The following POLDIP3 variants were observed in gnomAD, a reference collection of about 807,000 sequenced individuals.
POLDIP3 encodes the protein polymerase delta-interacting protein 3.
POLDIP3 carries 14 observed loss-of-function variants against 45.1 expected under a neutral mutation model. The ratio of observed to expected loss-of-function variants is 0.31; its 90% CI spans 0.20 to 0.49. The LOEUF (loss-of-function observed/expected upper bound fraction) is 0.49, where lower values mean the gene tolerates loss of function less well. Among genes scored for constraint, POLDIP3 ranks in the 20% least tolerant of loss-of-function variants. The pLI, the probability that POLDIP3 is intolerant of heterozygous loss-of-function variation, is 0.99. For missense variants in POLDIP3, 511 were observed against 538.8 expected (o/e 0.95, Z 0.51); for synonymous variants, 223 against 205.2 (o/e 1.09, Z -0.74).
chr22:42,585,882 T>C lies in POLDIP3; in HGVS notation c.1175A>G (p.Glu392Gly). ...NSASSSNPPA[E>G]VDPDTILKAL... ...CTTCAGGATGGTGTCAGGGTCCACT[T>C]CGGCAGGGGGGTTGGAGGAGGAGGC... Residue 392 changes from glutamate (E) to glycine (G), a missense_variant, in exon 9 of 9, where the codon GAA becomes GGA. Transcript: ENST00000252115. 1 of 1,613,352 alleles carries C rather than the reference T, an allele frequency of 6.2e-7. No homozygotes were observed.
chr22:42,614,168 C>T (rs1175829275), intron 1 of POLDIP3, among the ~76,000 whole-genome samples: 1 of 152,204 alleles, frequency 6.6e-6, no homozygotes, highest in African/African-American at 2.4e-5. Context: ...AGTCACTCTA[C>T]CACTTCCAGC....
Position 42,584,889 on chromosome 22 carries a change from A to G in POLDIP3, c.*902T>C. 4.4e-6 allele frequency: 2 copies of G among 456,278 alleles called. No homozygotes were observed. Among genetic ancestry groups the G allele is most frequent in the South Asian group, 1.5e-5 (1 of 64,574 alleles). 28.3% of individuals were successfully genotyped at this position (456,278 alleles called of 1,614,324 possible). A position where few individuals can be genotyped will look rare whatever the true frequency, so the allele number is the denominator to read the frequency against. On this transcript the variant is annotated 3_prime_UTR_variant, in exon 9 of 9. Coordinates refer to ENST00000252115, the MANE Select transcript of POLDIP3 (RefSeq NM_032311.5). ...GAACAAACTGACCTCTTCCATTCAA[A>G]TAAGCTCCAAACCCAAGCACTGCAC...
At position 42,614,792 on chromosome 22, in the gene POLDIP3, C is replaced by G. The variant is rs374062596; in HGVS notation, c.59+7G>C. 1 of 1,614,040 alleles carries G rather than the reference C, an allele frequency of 6.2e-7. No homozygotes were observed. Among genetic ancestry groups the G allele is most frequent in the Non-Finnish European group, 8.5e-7 (1 of 1,179,916 alleles). On this transcript the variant is annotated splice_region_variant and intron_variant, in intron 1 of 8. Transcript: ENST00000252115. ...CCTAAACCCCGAAGAAAGGAAAGGC[C>G]TCTCACCGTCCTTTCGCCGCCGCCC...
chr22:42,586,652 T>C (rs1435145128), intron 8 of POLDIP3, among the ~76,000 whole-genome samples: 2 of 152,196 alleles, frequency 1.3e-5, no homozygotes, highest in African/African-American at 4.8e-5. Flanking sequence ...TAAGAAATAT[T>C]TCTTATTCCT....
intron 7 of POLDIP3, among the ~76,000 whole-genome samples, 188 bp downstream of exon 7, chr22:42,591,767 G>A (rs1449088721): frequency 6.6e-6 from 1 of 152,206 alleles, no homozygotes; most frequent in African/African-American, 2.4e-5. Context: ...AGGGCTGGGT[G>A]AAAATCCAGG....
intron 6 of POLDIP3, 122 bp downstream of exon 6, chr22:42,595,415 A>G (rs769422596): frequency 1.5e-5 from 13 of 851,084 alleles, no homozygotes; most frequent in Non-Finnish European, 2.4e-5. Flanking sequence ...CTCAGCCCTG[A>G]GCGTGACTAT....
At chr22:42,597,587 CAGT>C (rs749671189) in intron 4 of POLDIP3, 5 of 405,634 alleles carry the variant, frequency 1.2e-5, no homozygotes, top group Non-Finnish European at 2.5e-5. Flanking sequence ...GGGTAATCAA[CAGT>C]ACCCATCTCA....
At chr22:42,602,704 A>G in intron 2 of POLDIP3, 66 bp downstream of exon 2, 3 of 1,518,856 alleles carry the variant, frequency 2.0e-6, no homozygotes, top group African/African-American at 1.4e-5. Context: ...CACTCCTGGC[A>G]CCTTGCCTCT....
intron 7 of POLDIP3, among the ~76,000 whole-genome samples, chr22:42,590,528 T>C (rs958802029): frequency 4.6e-5 from 7 of 152,086 alleles, no homozygotes; most frequent in African/African-American, 1.7e-4. Context: ...ACTGTATTTG[T>C]ACATCTAAAC....
At chr22:42,611,386 A>G (rs1927106654) in intron 1 of POLDIP3, among the ~76,000 whole-genome samples, 1 of 152,184 alleles carries the variant, frequency 6.6e-6, no homozygotes, top group African/African-American at 2.4e-5. Context: ...TTTTGAGAAC[A>G]AGCACATTCC....
At chr22:42,610,694 G>C (rs918635270) in intron 1 of POLDIP3, among the ~76,000 whole-genome samples, 1 of 152,198 alleles carries the variant, frequency 6.6e-6, no homozygotes. Flanking sequence ...CTTGAGTCCA[G>C]GAGTTCGAAA....
At chr22:42,614,766 C>A (rs1258524799) in intron 1 of POLDIP3, 33 bp downstream of exon 1, 1 of 1,612,912 alleles carries the variant, frequency 6.2e-7, no homozygotes, top group East Asian at 2.2e-5. Context: ...AGGCCGAGGA[C>A]CCTAAACCCC....
chr22:42,595,687 G>T, intron 5 of POLDIP3, 73 bp from the exon 6 acceptor site: 1 of 1,392,756 alleles, frequency 7.2e-7, no homozygotes. Context: ...ATTCCTCCAG[G>T]CACGTGACTA....
At position 42,585,860 on chromosome 22, in the gene POLDIP3, C is replaced by T; in HGVS notation, c.1197G>A (p.Leu399=). 6.2e-7 allele frequency: 1 copy of T among 1,613,312 alleles called. No homozygotes were observed. The highest frequency in any genetic ancestry group is 1.9e-4 in the Middle Eastern group (1 of 5,392). Residue 399 remains leucine, a synonymous_variant, in exon 9 of 9, where the codon CTG becomes CTA. Coordinates refer to ENST00000252115, the MANE Select transcript of POLDIP3 (RefSeq NM_032311.5). ...PPAEVDPDTI[L]KALFKSSGAS... is the part of the protein sequence containing the mutation. ...CCCCTGAGGACTTGAAGAGTGCCTTCAGGATGGTGTCAGGGTCCACTTCGG... is the reference window on the plus strand; with the variant it reads ...CCCCTGAGGACTTGAAGAGTGCCTTTAGGATGGTGTCAGGGTCCACTTCGG...
chr22:42,595,494 A>G (rs1368079517), intron 6 of POLDIP3, 43 bp downstream of exon 6: 4 of 1,570,122 alleles, frequency 2.5e-6, no homozygotes, highest in Non-Finnish European at 3.5e-6. Context: ...TTTGCCACAG[A>G]GGCAGTTTGA....
At chr22:42,596,429 G>A (rs1925997248) in intron 4 of POLDIP3, 64 bp from the exon 5 acceptor site, 2 of 1,494,192 alleles carry the variant, frequency 1.3e-6, no homozygotes, top group Admixed American at 2.0e-5. Flanking sequence ...GAAGCCCCAA[G>A]AGGTTGACAA....
In POLDIP3 at chr22:42,608,278, C is replaced by T. The variant is rs967295597; in HGVS notation, c.60-5118G>A. ...ACCCCCCCCCCCAAAAAAAAATTAGCTGCAAGTGATGATGCACATCTGTAG... is the reference window on the plus strand; with the variant it reads ...ACCCCCCCCCCCAAAAAAAAATTAGTTGCAAGTGATGATGCACATCTGTAG... On this transcript the variant is annotated intron_variant, in intron 1 of 8. Coordinates refer to ENST00000252115, the MANE Select transcript of POLDIP3 (RefSeq NM_032311.5). 6.4e-5 allele frequency among the ~76,000 whole-genome samples: 8 copies of T among 125,468 alleles called. No homozygotes were observed. The East Asian group carries it at 2.1e-3, about 33-fold the overall frequency. The allele number at this position is 125,468 out of a possible 152,430, so 82.3% of individuals were successfully genotyped here. A position where few individuals can be genotyped will look rare whatever the true frequency, so the allele number is the denominator to read the frequency against.
At chr22:42,594,981 C>G (rs1925895679) in intron 6 of POLDIP3, among the ~76,000 whole-genome samples, 1 of 152,194 alleles carries the variant, frequency 6.6e-6, no homozygotes, top group South Asian at 2.1e-4. Flanking sequence ...TGGCTAGAAG[C>G]TGTGCAGAAG....
intron 3 of POLDIP3, among the ~76,000 whole-genome samples, chr22:42,600,391 C>T (rs1258264809): frequency 3.3e-5 from 5 of 152,028 alleles, no homozygotes; most frequent in Non-Finnish European, 5.9e-5. Flanking sequence ...CTTTGGGAGG[C>T]CGAGGAGGGC....
Sources: allele counts gnomAD v4.1 joint callset (sites outside exome capture counted in the v4.1 genomes callset), GRCh38; gene constraint gnomAD v4.1.1; transcripts MANE v1.5; gene names NCBI Gene and HGNC (gene_info 2026-07-23, HGNC 2026-07-21).